The following CTNND2 variants were observed in gnomAD, a reference collection of about 807,000 sequenced individuals.
CTNND2 encodes the protein catenin delta-2.
In CTNND2, 22 loss-of-function variants were observed where a neutral mutation model predicts 144.4. The observed-to-expected ratio is 0.15, with a 90% CI of 0.11 to 0.22. CTNND2 has a LOEUF of 0.22. Among genes scored for constraint, CTNND2 ranks in the 10% least tolerant of loss-of-function variants. The pLI is 1.00. For missense variants in CTNND2, 1,353 were observed against 1,618.8 expected, an observed-to-expected ratio of 0.84 and a Z score of 2.82; for synonymous variants, 751 against 695.6, an observed-to-expected ratio of 1.08 and a Z score of -1.25.
intron 9 of CTNND2, among the ~76,000 whole-genome samples, chr5:11,254,998 T>C (rs918242807): frequency 2.6e-5 from 4 of 152,218 alleles, no homozygotes; most frequent in African/African-American, 9.6e-5. Flanking sequence ...TTAAAATTTG[T>C]CTTTGGAGTC....
chr5:11,578,083 A>AT (rs911858981), intron 2 of CTNND2, among the ~76,000 whole-genome samples: 1 of 151,722 alleles, frequency 6.6e-6, no homozygotes, highest in African/African-American at 2.4e-5. Context: ...TTATGTTGAC[A>AT]TTTTTTTTCA....
intron 1 of CTNND2, among the ~76,000 whole-genome samples, chr5:11,764,699 C>A (rs1312934944): frequency 6.6e-6 from 1 of 152,148 alleles, no homozygotes; most frequent in Non-Finnish European, 1.5e-5. Context: ...GTAACTGATA[C>A]AGTTCAGTCA....
chr5:11,597,608 C>T (rs1047083237), intron 2 of CTNND2, among the ~76,000 whole-genome samples: 8 of 151,646 alleles, frequency 5.3e-5, no homozygotes, highest in African/African-American at 1.9e-4. Flanking sequence ...AACAGAGTGT[C>T]AGTCACCCAG....
intron 7 of CTNND2, among the ~76,000 whole-genome samples, chr5:11,380,578 T>A (rs1758379990): frequency 6.6e-6 from 1 of 152,212 alleles, no homozygotes; most frequent in Admixed American, 6.5e-5. Context: ...ATGATTTTTT[T>A]AAATAAAAGA....
Position 11,384,700 on chromosome 5 carries a change from G to T in CTNND2, c.1142C>A (p.Ala381Asp). The change falls in exon 7 of 22, where the codon GCC (alanine) becomes GAC (aspartate). Residue 381 changes from alanine (A) to aspartate (D), a missense_variant. Ala to Asp is a moderately radical substitution (Grantham distance 126). Transcript: ENST00000304623. This position sits in a 1 kb window ranked among gnomAD's most constrained non-coding sequence, Gnocchi z 5.2. ...GCCCGGCCTCTGGAGGGTGGCCGTGGCATACAGCTCCTGCGAGTGCTTGCT... is the reference window on the plus strand; with the variant it reads ...GCCCGGCCTCTGGAGGGTGGCCGTGTCATACAGCTCCTGCGAGTGCTTGCT... ...QYSKHSQELY[A>D]TATLQRPGSL... 1 of 1,608,686 alleles carries T rather than the reference G, an allele frequency of 6.2e-7. No homozygotes were observed. The highest frequency in any genetic ancestry group is 8.5e-7 in the Non-Finnish European group (1 of 1,178,966).
chr5:11,088,350 A>G (rs1172276988), intron 15 of CTNND2, among the ~76,000 whole-genome samples: 1 of 152,182 alleles, frequency 6.6e-6, no homozygotes, highest in East Asian at 1.9e-4. Flanking sequence ...CCCTCTAAAC[A>G]AGAGTGGTGG....
chr5:11,183,648 C>A (rs777683756), intron 11 of CTNND2, among the ~76,000 whole-genome samples: 2 of 151,794 alleles, frequency 1.3e-5, no homozygotes, highest in Non-Finnish European at 2.9e-5. Context: ...ACCTCCGCCT[C>A]CTGGGTTCAA....
intron 2 of CTNND2, among the ~76,000 whole-genome samples, chr5:11,604,448 G>A (rs1482668996): frequency 6.6e-6 from 1 of 152,230 alleles, no homozygotes; most frequent in Non-Finnish European, 1.5e-5. Context: ...AAGAATGGGA[G>A]TGACTCATGT....
chr5:11,221,844 A>G (rs1323691227), intron 10 of CTNND2, among the ~76,000 whole-genome samples: 2 of 152,174 alleles, frequency 1.3e-5, no homozygotes, highest in African/African-American at 4.8e-5. Flanking sequence ...TGTCACCAGG[A>G]GGAGAAAGGC....
At chr5:11,142,261 G>C (rs181347924) in intron 12 of CTNND2, among the ~76,000 whole-genome samples, 42 of 152,354 alleles carry the variant, frequency 2.8e-4, no homozygotes, top group African/African-American at 1.0e-3. Context: ...ATGTACTCTA[G>C]CCACAGAAAG....
At chr5:11,851,150 C>G (rs1008817570) in intron 1 of CTNND2, among the ~76,000 whole-genome samples, 1 of 152,152 alleles carries the variant, frequency 6.6e-6, no homozygotes, top group Non-Finnish European at 1.5e-5. Context: ...CAGCATCACC[C>G]CTCCTTGAAT....
At chr5:11,267,003 C>T (rs961529322) in intron 9 of CTNND2, among the ~76,000 whole-genome samples, 1 of 152,160 alleles carries the variant, frequency 6.6e-6, no homozygotes, top group Non-Finnish European at 1.5e-5. Flanking sequence ...CTCAGCCTCC[C>T]GAGTAGCTGG....
At chr5:11,632,759 TATG>T (rs1292326920) in intron 2 of CTNND2, among the ~76,000 whole-genome samples, 1 of 152,142 alleles carries the variant, frequency 6.6e-6, no homozygotes, top group Non-Finnish European at 1.5e-5. Flanking sequence ...AGGAATATAT[TATG>T]ATGACTCACC....
At chr5:11,771,017 T>A (rs1272442182) in intron 1 of CTNND2, among the ~76,000 whole-genome samples, 1 of 152,108 alleles carries the variant, frequency 6.6e-6, no homozygotes, top group Non-Finnish European at 1.5e-5. Context: ...TTCTTTAATG[T>A]ATGTCCACTG....
intron 3 of CTNND2, among the ~76,000 whole-genome samples, chr5:11,461,037 T>TG (rs1766172536): frequency 6.6e-6 from 1 of 150,904 alleles, no homozygotes; most frequent in Admixed American, 6.6e-5. Flanking sequence ...AGCGAGACTC[T>TG]GGAAAAAAAA....
At chr5:11,284,486 T>C (rs1747518563) in intron 9 of CTNND2, among the ~76,000 whole-genome samples, 1 of 152,134 alleles carries the variant, frequency 6.6e-6, no homozygotes, top group African/African-American at 2.4e-5. Flanking sequence ...ATTGTTCAGT[T>C]CCCACTTAGA....
At chr5:11,492,196 G>A (rs1769458098) in intron 3 of CTNND2, among the ~76,000 whole-genome samples, 1 of 152,142 alleles carries the variant, frequency 6.6e-6, no homozygotes, top group Admixed American at 6.6e-5. Flanking sequence ...ACTACCACAT[G>A]GGGCAGGTAA....
At chr5:11,377,212 G>A (rs1758025050) in intron 7 of CTNND2, among the ~76,000 whole-genome samples, 1 of 151,022 alleles carries the variant, frequency 6.6e-6, no homozygotes, top group Non-Finnish European at 1.5e-5. Flanking sequence ...CGCCACACCT[G>A]GCTAATTTTT....
rs139788226 is a variant in CTNND2 at position 11,488,683 on chromosome 5, A to C, written c.287+76261T>G. ...GAGAGAAGAGTTCAACTACCTAAAAATTTCCCTCATGCAATCCTTTAGATA... is the reference window on the plus strand; with the variant it reads ...GAGAGAAGAGTTCAACTACCTAAAACTTTCCCTCATGCAATCCTTTAGATA... On this transcript the variant is annotated intron_variant, in intron 3 of 21. Transcript: ENST00000304623. Among the ~76,000 whole-genome samples the C allele has an allele frequency of 6.6e-5, 10 of 152,234 alleles. No homozygotes were observed. In the East Asian group the frequency reaches 1.9e-3, roughly 29 times the overall value.
Sources: gnomAD v4.1 joint callset for allele counts (sites outside exome capture counted in the v4.1 genomes callset) on GRCh38, gnomAD v4.1.1 for gene constraint, Gnocchi (gnomAD v3.1) non-coding constraint, MANE v1.5 for transcripts, NCBI Gene and HGNC (gene_info 2026-07-23, HGNC 2026-07-21) for gene names.